Variants in PNKD observed in about 807,000 individuals in gnomAD.
The protein encoded by PNKD is PNKD metallo-beta-lactamase domain containing.
Under a neutral mutation model 45.3 loss-of-function variants are expected in PNKD, and 36 were observed. That is an observed-to-expected ratio of 0.80 (90% confidence interval 0.61 to 1.05). The LOEUF is 1.05. Among genes scored for constraint, PNKD ranks in the 50% least tolerant of loss-of-function variants. PNKD has a pLI of 0.00. For synonymous variants in PNKD, 197 were observed against 210.1 expected (o/e 0.94, Z 0.54); for missense variants, 511 against 506.6 (o/e 1.01, Z -0.08).
chr2:218,334,891 ATTT>A, intron 2 of PNKD: 1 of 620,280 alleles, frequency 1.6e-6, no homozygotes, highest in Non-Finnish European at 2.9e-6. Context: ...TACTTGGGTG[ATTT>A]GACTGGGGTC....
At position 218,271,549 on chromosome 2, in the gene PNKD, G is replaced by A. The variant is rs1252609591; in HGVS notation, c.236G>A (p.Trp79Ter). The change falls in exon 2 of 10, where the codon TGG (tryptophan) becomes TAG (stop). Residue 79 changes from tryptophan (W) to a stop codon, truncating the protein, a stop_gained and splice_region_variant. Coordinates refer to ENST00000273077, the MANE Select transcript of PNKD (RefSeq NM_015488.5). LOFTEE classifies it high-confidence loss of function. The part of the protein sequence containing the change: ...KNPMKAVGLA[W>*]YSLYTRTWLG... The stretch of plus-strand genomic sequence containing the variant: ...CCCATGAAAGCTGTGGGACTGGCCT[G>A]GTGAGTTTTAACCACCCCTTTGCCC... 5 of 1,613,994 alleles carry A rather than the reference G, an allele frequency of 3.1e-6. No individual in the cohort carries two copies. Among genetic ancestry groups the A allele is most frequent in the Non-Finnish European group, 4.2e-6 (5 of 1,179,896 alleles).
At chr2:218,292,347 G>C (rs1228288750) in intron 2 of PNKD, 1 of 152,230 alleles carries the variant, frequency 6.6e-6, no homozygotes, top group Non-Finnish European at 1.5e-5. Context: ...CCCAGGAGCG[G>C]GCAAGCCGGG....
At chr2:218,333,410 C>G (rs1045899013) in intron 2 of PNKD, among the ~76,000 whole-genome samples, 5 of 152,170 alleles carry the variant, frequency 3.3e-5, no homozygotes, top group Admixed American at 3.3e-4. Context: ...AGCTTATCAC[C>G]CCTCCCAGAT....
chr2:218,297,087 C>A (rs1241406681), intron 2 of PNKD, among the ~76,000 whole-genome samples: 2 of 152,234 alleles, frequency 1.3e-5, no homozygotes, highest in Non-Finnish European at 2.9e-5. Context: ...GTCTCATTCA[C>A]CCCTAGGCCT....
chr2:218,284,998 G>A (rs1158232783), intron 2 of PNKD, among the ~76,000 whole-genome samples: 1 of 152,220 alleles, frequency 6.6e-6, no homozygotes, highest in Non-Finnish European at 1.5e-5. Flanking sequence ...GCTGAGGCAG[G>A]AGAATCGATT....
intron 2 of PNKD, chr2:218,279,382 C>T (rs375847815): frequency 2.6e-6 from 4 of 1,528,594 alleles, no homozygotes; most frequent in East Asian, 2.3e-5. Context: ...GCATGGGTCA[C>T]CATCCGGCAC....
rs1403660946 is a variant in PNKD, at chr2:218,344,905, C to A, written c.1082C>A (p.Thr361Asn). 6.2e-7 allele frequency: 1 copy of A among 1,613,948 alleles called. No homozygotes were observed. The highest frequency in any genetic ancestry group is 8.5e-7 in the Non-Finnish European group (1 of 1,179,864). The change falls in exon 10 of 10, where the codon ACT (threonine) becomes AAT (asparagine). Residue 361 changes from threonine to asparagine, a missense_variant. Transcript: ENST00000273077. Reference sequence around the variant, plus strand: ...GCTCTGGGGCCGGGGCCGGGCCCCACTGGGGATGATGACTACTCCCGGGCC... The same window carrying A: ...GCTCTGGGGCCGGGGCCGGGCCCCAATGGGGATGATGACTACTCCCGGGCC... ...QEALGPGPGP[T>N]GDDDYSRAQL...
chr2:218,322,761 GCAGA>G (rs1333909005), intron 2 of PNKD, among the ~76,000 whole-genome samples: 1 of 152,256 alleles, frequency 6.6e-6, no homozygotes, highest in Non-Finnish European at 1.5e-5. Context: ...CTCCAGGAAT[GCAGA>G]CAGTGTGCCT....
intron 2 of PNKD, among the ~76,000 whole-genome samples, chr2:218,288,228 A>G (rs1692674309): frequency 6.6e-6 from 1 of 152,154 alleles, no homozygotes; most frequent in South Asian, 2.1e-4. Flanking sequence ...GGAGATCGAG[A>G]CCATCCTGGC....
At chr2:218,296,654 CT>C (rs1693146695) in intron 2 of PNKD, among the ~76,000 whole-genome samples, 1 of 151,886 alleles carries the variant, frequency 6.6e-6, no homozygotes, top group Non-Finnish European at 1.5e-5. Flanking sequence ...AAGAAGTTGC[CT>C]TTTTTCTGTT....
chr2:218,332,023 G>A (rs1346478703), intron 2 of PNKD, among the ~76,000 whole-genome samples: 1 of 152,210 alleles, frequency 6.6e-6, no homozygotes, highest in African/African-American at 2.4e-5. Context: ...AGGAGGGGAG[G>A]AGGCAGTCCC....
At position 218,344,502 on chromosome 2, in the gene PNKD, C is replaced by T. The variant is rs1247054660; in HGVS notation, c.916C>T (p.Pro306Ser). ...CCTGGGCTTTGCAGGTGTGGTGGAGCCCGAGAACCTGGCCCGGGAGAGGAA... is the reference window on the plus strand; with the variant it reads ...CCTGGGCTTTGCAGGTGTGGTGGAGTCCGAGAACCTGGCCCGGGAGAGGAA... ...ENLGFAGVVEPENLARERKMQ... is the reference protein window; with the variant it reads ...ENLGFAGVVESENLARERKMQ... Residue 306 changes from proline (P) to serine (S), a missense_variant, in exon 9 of 10, where the codon CCC becomes TCC. Pro to Ser is a moderately conservative substitution (Grantham distance 74, BLOSUM62 -1). Coordinates refer to ENST00000273077, the MANE Select transcript of PNKD (RefSeq NM_015488.5). The T allele has an allele frequency of 1.3e-6, 2 of 1,591,352 alleles. No homozygotes were observed. Among genetic ancestry groups the T allele is most frequent in the Non-Finnish European group, 1.7e-6 (2 of 1,168,734 alleles).
chr2:218,314,994 T>TTTTC (rs1284378720), intron 2 of PNKD, among the ~76,000 whole-genome samples: 23 of 137,110 alleles, frequency 1.7e-4, no homozygotes, highest in African/African-American at 5.3e-4. Flanking sequence ...CCGCCTGAGG[T>TTTTC]TTTCTTTCTT....
intron 2 of PNKD, among the ~76,000 whole-genome samples, chr2:218,331,554 T>A (rs1694319583): frequency 1.3e-5 from 2 of 152,202 alleles, no homozygotes; most frequent in African/African-American, 4.8e-5. Flanking sequence ...CACTGCAACC[T>A]CTGCCTGCCA....
intron 2 of PNKD, chr2:218,278,175 G>A: frequency 1.6e-6 from 1 of 629,808 alleles, no homozygotes; most frequent in South Asian, 2.0e-5. Context: ...CCTGTGTTGT[G>A]GCGCCAGAAA....
chr2:218,315,020 CTTTCTTTCTTTCTTTCTT>C (rs1421764140), intron 2 of PNKD, among the ~76,000 whole-genome samples: 1 of 1,926 alleles, frequency 5.2e-4, no homozygotes, highest in African/African-American at 1.1e-3. Context: ...CTTTTTCTTT[CTTTCTTTCTTTCTTTCTT>C]TTTCTTTCTT....
chr2:218,323,479 T>G (rs759197557), intron 2 of PNKD: 38 of 996,004 alleles, frequency 3.8e-5, no homozygotes, highest in East Asian at 3.6e-4. Flanking sequence ...GCGGGCGCGC[T>G]GGGAGAGGGG....
chr2:218,344,744 GCTT>G, intron 9 of PNKD, 61 bp from the exon 10 acceptor site: 18 of 1,549,852 alleles, frequency 1.2e-5, no homozygotes, highest in Non-Finnish European at 1.4e-5. Flanking sequence ...GTCGGGTCAG[GCTT>G]CTCTGTCTTG....
intron 2 of PNKD, among the ~76,000 whole-genome samples, chr2:218,321,098 G>A (rs1371138453): frequency 6.7e-6 from 1 of 149,380 alleles, no homozygotes; most frequent in Admixed American, 6.8e-5. Flanking sequence ...TTAGAATTTG[G>A]TCATCTCTGT....
Sources: allele counts gnomAD v4.1 joint callset (sites outside exome capture counted in the v4.1 genomes callset), GRCh38; gene constraint gnomAD v4.1.1; transcripts MANE v1.5; gene names NCBI Gene and HGNC (gene_info 2026-07-23, HGNC 2026-07-21).